Variants in RAB27B observed in about 807,000 individuals in gnomAD.
RAB27B encodes ras-related protein Rab-27B.
RAB27B carries 15 observed loss-of-function variants against 24.6 expected under a neutral mutation model. The ratio of observed to expected loss-of-function variants is 0.61; its 90% CI spans 0.41 to 0.94. The LOEUF is 0.94. Ranked by LOEUF, RAB27B falls within the 40% of genes least tolerant of loss-of-function variation. The pLI, the probability that RAB27B is intolerant of heterozygous loss-of-function variation, is 0.00. For missense variants in RAB27B, 261 were observed against 266.8 expected (o/e 0.98, Z 0.15); for synonymous variants, 105 against 92.5 (o/e 1.14, Z -0.78).
intron 2 of RAB27B, among the ~76,000 whole-genome samples, chr18:54,879,023 A>G (rs1003988407): frequency 6.6e-6 from 1 of 152,194 alleles, no homozygotes; most frequent in Non-Finnish European, 1.5e-5. Context: ...ATGGGTCTCA[A>G]TTTAGAGATA....
At chr18:54,788,601 G>A (rs930153520) in intron 2 of RAB27B, among the ~76,000 whole-genome samples, 5 of 152,160 alleles carry the variant, frequency 3.3e-5, no homozygotes, top group Non-Finnish European at 7.3e-5. Context: ...CTGCACCTGG[G>A]CTCAGCTGAC....
rs1913319813 is a variant in RAB27B, at chr18:54,890,339, T to C, written c.*926T>C. Reference sequence around the variant, plus strand: ...TTTTTCTTAGCACATGTTGATAAAATAGTCACAAGGAGAAATTACCAGTTA... The same window carrying C: ...TTTTTCTTAGCACATGTTGATAAAACAGTCACAAGGAGAAATTACCAGTTA... On this transcript the variant is annotated 3_prime_UTR_variant, in exon 6 of 6. Transcript: ENST00000262094. 6.6e-6 allele frequency: 1 copy of C among 152,126 alleles called. No homozygotes were observed. Among genetic ancestry groups the C allele is most frequent in the Admixed American group, 6.6e-5 (1 of 15,242 alleles). 9.4% of individuals were successfully genotyped at this position (152,126 alleles called of 1,614,324 possible).
intron 4 of RAB27B, among the ~76,000 whole-genome samples, chr18:54,885,214 G>A (rs1473455422): frequency 6.6e-6 from 1 of 152,122 alleles, no homozygotes; most frequent in Non-Finnish European, 1.5e-5. Context: ...TATACAAGTA[G>A]CAGGACAGCT....
intron 2 of RAB27B, among the ~76,000 whole-genome samples, chr18:54,799,538 T>C (rs1409730163): frequency 5.3e-5 from 8 of 151,348 alleles, no homozygotes; most frequent in African/African-American, 1.7e-4. Context: ...AAAACAATGG[T>C]TAATACTTTT....
At chr18:54,807,803 A>T (rs2145143340) in intron 2 of RAB27B, among the ~76,000 whole-genome samples, 1 of 152,324 alleles carries the variant, frequency 6.6e-6, no homozygotes, top group East Asian at 1.9e-4. Flanking sequence ...GGCAGGGGAC[A>T]AACTGTGAAC....
At chr18:54,874,417 A>G (rs1269527970) in intron 1 of RAB27B, among the ~76,000 whole-genome samples, 1 of 152,208 alleles carries the variant, frequency 6.6e-6, no homozygotes, top group Non-Finnish European at 1.5e-5. Context: ...TAAGTAATTC[A>G]GACCTTGTCA....
intron 2 of RAB27B, among the ~76,000 whole-genome samples, chr18:54,752,963 G>C (rs77702657): frequency 6.6e-6 from 1 of 152,254 alleles, no homozygotes; most frequent in East Asian, 1.9e-4. Context: ...ATATAGAGGA[G>C]GAAAGTCAGG....
rs1176616592 is a variant in RAB27B at position 54,890,855 on chromosome 18, C to T, written c.*1442C>T. ...AGTAACAAAATTATTTTTCATTGGCCTATTCTGTTCTTGTGTCTAAACTAA... is the reference window on the plus strand; with the variant it reads ...AGTAACAAAATTATTTTTCATTGGCTTATTCTGTTCTTGTGTCTAAACTAA... On this transcript the variant is annotated 3_prime_UTR_variant, in exon 6 of 6. Coordinates refer to ENST00000262094, the MANE Select transcript of RAB27B (RefSeq NM_004163.4). 1 of 152,018 alleles carries T rather than the reference C, an allele frequency of 6.6e-6. No individual in the cohort carries two copies. The highest frequency in any genetic ancestry group is 1.9e-4 in the East Asian group (1 of 5,200). The allele number at this position is 152,018 out of a possible 1,614,324, so 9.4% of individuals were successfully genotyped here. A position where few individuals can be genotyped will look rare whatever the true frequency, so the allele number is the denominator to read the frequency against.
intron 2 of RAB27B, among the ~76,000 whole-genome samples, chr18:54,813,428 G>T (rs1157079603): frequency 6.6e-6 from 1 of 152,190 alleles, no homozygotes; most frequent in Non-Finnish European, 1.5e-5. Context: ...GAGGTGTTGG[G>T]TCATGGGTTG....
chr18:54,868,603 C>CGTCGTT (rs1555666519), intron 1 of RAB27B, among the ~76,000 whole-genome samples: 9 of 150,922 alleles, frequency 6.0e-5, no homozygotes, highest in Admixed American at 5.3e-4. Flanking sequence ...CTCTCAGTTT[C>CGTCGTT]GTTGTTGTTG....
At chr18:54,734,185 C>T (rs1486429897) in intron 2 of RAB27B, among the ~76,000 whole-genome samples, 1 of 152,046 alleles carries the variant, frequency 6.6e-6, no homozygotes, top group Non-Finnish European at 1.5e-5. Flanking sequence ...TTCTTCTTGC[C>T]TTGGATCTGA....
intron 1 of RAB27B, among the ~76,000 whole-genome samples, chr18:54,875,871 A>C (rs1912675495): frequency 6.6e-6 from 1 of 152,174 alleles, no homozygotes; most frequent in Non-Finnish European, 1.5e-5. Context: ...AAAAACAAAA[A>C]ATTGTTTTAA....
chr18:54,778,964 T>C (rs112631043), intron 2 of RAB27B, among the ~76,000 whole-genome samples: 11,257 of 151,986 alleles, frequency 0.074, 603 homozygotes, highest in African/African-American at 0.13. Flanking sequence ...CTCAGCCTCC[T>C]GAGTAGCTGG....
At chr18:54,769,496 A>G (rs1286919878) in intron 2 of RAB27B, among the ~76,000 whole-genome samples, 2 of 150,208 alleles carry the variant, frequency 1.3e-5, no homozygotes, top group African/African-American at 4.9e-5. Context: ...GCTCTTTTCT[A>G]TCCTCTGCAA....
intron 2 of RAB27B, among the ~76,000 whole-genome samples, chr18:54,781,405 GACCACACTTTATTAGTAT>G (rs967769545): frequency 1.3e-5 from 2 of 151,874 alleles, no homozygotes; most frequent in African/African-American, 4.8e-5. Flanking sequence ...CCCTGAATTT[GACCACACTTTATTAGTAT>G]TAGCCATGAT....
intron 2 of RAB27B, among the ~76,000 whole-genome samples, chr18:54,781,341 G>A (rs1008393665): frequency 8.6e-5 from 13 of 151,932 alleles, no homozygotes; most frequent in Non-Finnish European, 1.8e-4. Flanking sequence ...GAGGAGAATG[G>A]AGCCTATCTC....
intron 1 of RAB27B, among the ~76,000 whole-genome samples, chr18:54,837,925 C>A (rs1051313445): frequency 1.3e-5 from 2 of 152,100 alleles, no homozygotes; most frequent in South Asian, 4.1e-4. Context: ...TGTTCTCTCC[C>A]AACCCACCCT....
At chr18:54,827,915 C>A (rs184896541), upstream of RAB27B, among the ~76,000 whole-genome samples, 26 of 152,226 alleles carry the variant, frequency 1.7e-4, no homozygotes, top group East Asian at 5.0e-3. Flanking sequence ...TGGTTCAATG[C>A]CTCCGTGTGC....
At chr18:54,821,217 T>C (rs1910299540) in intron 2 of RAB27B, among the ~76,000 whole-genome samples, 1 of 152,088 alleles carries the variant, frequency 6.6e-6, no homozygotes, top group Admixed American at 6.5e-5. Flanking sequence ...TGTGCAAAAA[T>C]AACAAGCATT....
Sources: gnomAD v4.1 joint callset for allele counts (sites outside exome capture counted in the v4.1 genomes callset) on GRCh38, gnomAD v4.1.1 for gene constraint, MANE v1.5 for transcripts, NCBI Gene and HGNC (gene_info 2026-07-23, HGNC 2026-07-21) for gene names.